Variants in SPOCK3 observed in about 807,000 individuals in gnomAD.
SPOCK3 encodes testican-3.
SPOCK3 carries 30 observed loss-of-function variants against 56.6 expected under a neutral mutation model. The observed-to-expected ratio is 0.53, with a 90% CI of 0.40 to 0.72. The LOEUF (loss-of-function observed/expected upper bound fraction) is 0.72. SPOCK3 is among the 30% of genes least tolerant of loss of function. The pLI, the probability that SPOCK3 is intolerant of heterozygous loss-of-function variation, is 0.00. For missense variants in SPOCK3, 527 were observed against 530.0 expected (o/e 0.99, Z 0.06); for synonymous variants, 196 against 183.3 (o/e 1.07, Z -0.56).
chr4:166,869,561 T>C (rs1732234790), intron 6 of SPOCK3, among the ~76,000 whole-genome samples: 2 of 151,806 alleles, frequency 1.3e-5, no homozygotes, highest in Non-Finnish European at 2.9e-5. Context: ...AGGCAACTGA[T>C]AGCATTATAC....
At chr4:166,841,886 C>A (rs879762878) in intron 6 of SPOCK3, among the ~76,000 whole-genome samples, 4 of 152,072 alleles carry the variant, frequency 2.6e-5, no homozygotes, top group Non-Finnish European at 5.9e-5. Flanking sequence ...AGCCGTGGAC[C>A]CTTGCGATGA....
chr4:167,156,850 G>A (rs1032562175), intron 2 of SPOCK3, among the ~76,000 whole-genome samples: 2 of 152,076 alleles, frequency 1.3e-5, no homozygotes, highest in African/African-American at 4.8e-5. Context: ...GGAAATTACA[G>A]GGCAAGATTT....
intron 3 of SPOCK3, among the ~76,000 whole-genome samples, chr4:167,028,145 G>C (rs1365365313): frequency 6.6e-6 from 1 of 151,752 alleles, no homozygotes; most frequent in Non-Finnish European, 1.5e-5. Flanking sequence ...TAAGAATAAG[G>C]GGAGGCTGAG....
At chr4:166,985,510 T>C (rs1178336286) in intron 4 of SPOCK3, among the ~76,000 whole-genome samples, 2 of 152,198 alleles carry the variant, frequency 1.3e-5, no homozygotes, top group African/African-American at 4.8e-5. Flanking sequence ...TATCTGTTTT[T>C]AGCAAACATT....
At chr4:167,208,241 A>T (rs1157010748) in intron 2 of SPOCK3, among the ~76,000 whole-genome samples, 3 of 152,130 alleles carry the variant, frequency 2.0e-5, no homozygotes, top group Non-Finnish European at 2.9e-5. Flanking sequence ...TTTCTTAGAG[A>T]TTTATTGAAT....
At chr4:167,205,308 TATATATTTTATATATATA>T (rs1734006045) in intron 2 of SPOCK3, among the ~76,000 whole-genome samples, 3 of 39,242 alleles carry the variant, frequency 7.6e-5, no homozygotes, top group Non-Finnish European at 1.4e-4. Context: ...TAATATATAT[TATATATTTTATATATATA>T]ATATATATTA....
At chr4:167,081,727 A>G (rs1050170169) in intron 2 of SPOCK3, among the ~76,000 whole-genome samples, 8 of 152,016 alleles carry the variant, frequency 5.3e-5, no homozygotes, top group African/African-American at 1.4e-4. Context: ...GAGGGAGCCA[A>G]AAATAGGAGA....
intron 2 of SPOCK3, among the ~76,000 whole-genome samples, chr4:167,175,660 G>T (rs2150477844): frequency 6.6e-6 from 1 of 152,170 alleles, no homozygotes; most frequent in East Asian, 1.9e-4. Context: ...TGCTGTGGAG[G>T]CTTGGGAAAG....
intron 5 of SPOCK3, among the ~76,000 whole-genome samples, chr4:166,906,764 G>A (rs749112156): frequency 7.3e-5 from 11 of 151,130 alleles, no homozygotes; most frequent in Non-Finnish European, 1.5e-4. Context: ...ATTTTTTTTA[G>A]TGATTCAAAT....
At chr4:166,852,206 G>A (rs1247335216) in intron 6 of SPOCK3, among the ~76,000 whole-genome samples, 1 of 152,010 alleles carries the variant, frequency 6.6e-6, no homozygotes, top group African/African-American at 2.4e-5. Flanking sequence ...TAGATGACGA[G>A]TTAGTGGGTG....
intron 6 of SPOCK3, among the ~76,000 whole-genome samples, chr4:166,875,821 G>A (rs556279184): frequency 6.6e-6 from 1 of 152,190 alleles, no homozygotes; most frequent in South Asian, 2.1e-4. Context: ...TTTCTAGGCA[G>A]CAGAAAGCTG....
chr4:166,926,962 G>T (rs1284879762), intron 4 of SPOCK3, among the ~76,000 whole-genome samples: 1 of 152,060 alleles, frequency 6.6e-6, no homozygotes, highest in Non-Finnish European at 1.5e-5. Flanking sequence ...GATTTATAAT[G>T]CTTAAATCCC....
intron 5 of SPOCK3, among the ~76,000 whole-genome samples, chr4:166,908,082 C>T (rs1398915605): frequency 2.0e-5 from 3 of 151,792 alleles, no homozygotes; most frequent in African/African-American, 7.3e-5. Flanking sequence ...AAATTATCTA[C>T]CTTTCAAAAT....
chr4:166,861,915 A>G (rs897514921), intron 6 of SPOCK3, among the ~76,000 whole-genome samples: 12 of 152,212 alleles, frequency 7.9e-5, no homozygotes, highest in African/African-American at 2.9e-4. Context: ...TTGCTTTTAC[A>G]TCTGTGGATC....
At chr4:166,843,021 C>T (rs569536668) in intron 6 of SPOCK3, among the ~76,000 whole-genome samples, 170 of 152,304 alleles carry the variant, frequency 1.1e-3, no homozygotes, top group Admixed American at 2.7e-3. Context: ...CCCAGTGGGC[C>T]GGCGCTGCTG....
At chr4:166,822,592 C>T (rs1415566620) in intron 6 of SPOCK3, among the ~76,000 whole-genome samples, 2 of 151,926 alleles carry the variant, frequency 1.3e-5, no homozygotes, top group Non-Finnish European at 2.9e-5. Context: ...TTTCTTGGAT[C>T]GAATAACAGT....
At chr4:167,123,792 G>A (rs1762064117) in intron 2 of SPOCK3, among the ~76,000 whole-genome samples, 1 of 146,172 alleles carries the variant, frequency 6.8e-6, no homozygotes, top group Non-Finnish European at 1.5e-5. Context: ...TACCCAGGCT[G>A]GAGTGCAATG....
chr4:166,848,536 T>G (rs1560927672), intron 6 of SPOCK3, among the ~76,000 whole-genome samples: 1 of 152,216 alleles, frequency 6.6e-6, no homozygotes, highest in Non-Finnish European at 1.5e-5. Context: ...CTTGGTGAGC[T>G]GCCAGGTGCT....
At chr4:166,796,214 T>G (rs1741920968) in intron 6 of SPOCK3, among the ~76,000 whole-genome samples, 2 of 152,170 alleles carry the variant, frequency 1.3e-5, no homozygotes, top group African/African-American at 4.8e-5. Flanking sequence ...CTAAATTGAC[T>G]AAGACACACT....
Sources: gnomAD v4.1 joint callset for allele counts (sites outside exome capture counted in the v4.1 genomes callset) on GRCh38, gnomAD v4.1.1 for gene constraint, MANE v1.5 for transcripts, NCBI Gene and HGNC (gene_info 2026-07-23, HGNC 2026-07-21) for gene names.